Variants in DISC1 observed in about 807,000 individuals in gnomAD.
DISC1 encodes disrupted in schizophrenia 1 protein.
In DISC1, 57 loss-of-function variants were observed where a neutral mutation model predicts 84.5. The ratio of observed to expected loss-of-function variants is 0.67; its 90% CI spans 0.55 to 0.84. DISC1 has a LOEUF of 0.84. Ranked by LOEUF, DISC1 falls within the 40% of genes least tolerant of loss-of-function variation. The probability of loss-of-function intolerance (pLI) is 0.00; values close to 1 mark genes in which losing one functional copy is unlikely to be tolerated. For missense variants in DISC1, 1,000 were observed against 1,057.8 expected, an observed-to-expected ratio of 0.95 and a Z score of 0.76; for synonymous variants, 411 against 415.2, an observed-to-expected ratio of 0.99 and a Z score of 0.12.
chr1:231,857,706 A>G (rs2084365829), intron 9 of DISC1, among the ~76,000 whole-genome samples: 1 of 152,186 alleles, frequency 6.6e-6, no homozygotes, highest in Admixed American at 6.5e-5. Context: ...AGTCTGTTTG[A>G]CTTTCTTCCG....
chr1:231,903,093 A>G (rs1257891309), intron 9 of DISC1, among the ~76,000 whole-genome samples: 3 of 139,408 alleles, frequency 2.2e-5, no homozygotes, highest in Admixed American at 7.5e-5. Flanking sequence ...ACAGAGTCAT[A>G]CTCTCTTGCC....
rs181605848 is a variant in DISC1, at chr1:231,935,413, A to G, written c.1982-23415A>G. Among the ~76,000 whole-genome samples, 257 of 152,354 alleles carry G rather than the reference A, an allele frequency of 1.7e-3. 1 individual carries two copies. The highest frequency in any genetic ancestry group is 4.2e-3 in the Admixed American group (64 of 15,304). ...ATTGAGAGACTGAAATTTCCAAAGC[A>G]GGAAAGATTACACTGAAAGTTGGGA... On this transcript the variant is annotated intron_variant, in intron 9 of 12. Transcript: ENST00000439617.
intron 1 of DISC1, among the ~76,000 whole-genome samples, chr1:231,649,089 C>T (rs2125264346): frequency 6.6e-6 from 1 of 152,166 alleles, no homozygotes; most frequent in South Asian, 2.1e-4. Context: ...TATTTCTTGC[C>T]TTCTACTAGC....
At position 231,682,001 on chromosome 1, in the gene DISC1, A is replaced by G. The variant is rs2063747276; in HGVS notation, c.68-11825A>G. Among the ~76,000 whole-genome samples, 3 of 152,278 alleles carry G rather than the reference A, an allele frequency of 2.0e-5. No homozygotes were observed. The South Asian group carries it at 6.2e-4, about 32-fold the overall frequency. On this transcript the variant is annotated intron_variant, in intron 1 of 12. Transcript: ENST00000439617. ...AGGCATGAGCCACTGTGCCCAGCCC[A>G]TTTATTAATTTTTAATATTATGTGC...
chr1:231,795,243 C>A lies in DISC1; in HGVS notation c.1636C>A (p.Leu546Ile). 6.2e-7 allele frequency: 1 copy of A among 1,613,518 alleles called. No individual in the cohort carries two copies. The highest frequency in any genetic ancestry group is 1.3e-5 in the African/African-American group (1 of 75,026). Residue 546 changes from leucine to isoleucine, a missense_variant and splice_region_variant, in exon 7 of 13, where the codon CTC (leucine) becomes ATC (isoleucine). Around this residue, in one of 3 missense-constraint regions of DISC1, gnomAD observed 397 missense variants for 377.5 expected, o/e 1.05. Coordinates refer to ENST00000439617, the MANE Select transcript of DISC1 (RefSeq NM_018662.3). ...ATCTCCTCTTTTTAATTCTTCCAGC[C>A]TCCAGGAAAGAATAAAATCCCTCAA... ...HAEPPETIRS[L>I]QERIKSLNLS...
chr1:231,946,392 C>A (rs1657208560), intron 9 of DISC1, among the ~76,000 whole-genome samples: 1 of 152,114 alleles, frequency 6.6e-6, no homozygotes, highest in South Asian at 2.1e-4. Flanking sequence ...GCAGAAAAGG[C>A]CTTCGACAAA....
At chr1:231,765,379 G>A (rs200585329) in intron 4 of DISC1, among the ~76,000 whole-genome samples, 5 of 152,080 alleles carry the variant, frequency 3.3e-5, no homozygotes, top group Non-Finnish European at 7.4e-5. Context: ...ACGCTCAGCT[G>A]TATTCCATCT....
chr1:231,653,724 G>A (rs760141431), intron 1 of DISC1, among the ~76,000 whole-genome samples: 2 of 152,184 alleles, frequency 1.3e-5, no homozygotes, highest in Non-Finnish European at 2.9e-5. Context: ...GTCCCATCCA[G>A]CCCTGGCACC....
At chr1:231,942,047 T>TGG (rs2091374247) in intron 9 of DISC1, among the ~76,000 whole-genome samples, 1 of 151,654 alleles carries the variant, frequency 6.6e-6, no homozygotes, top group Non-Finnish European at 1.5e-5. Context: ...ACGTGTGATC[T>TGG]GGGGGCCGGG....
At chr1:231,910,396 A>G (rs1272179551) in intron 9 of DISC1, among the ~76,000 whole-genome samples, 1 of 152,168 alleles carries the variant, frequency 6.6e-6, no homozygotes, top group East Asian at 1.9e-4. Context: ...ATTGGTTTCA[A>G]AGAACATCTT....
rs2075143433 is a variant in DISC1 at position 231,756,519 on chromosome 1, GAGAGA to G, written c.1268+6444_1268+6448del. On this transcript the variant is annotated intron_variant, in intron 4 of 12. Transcript: ENST00000439617. ...TCACAAACGTATATGTGAATATCGA[GAGAGA>G]GAGAGAGAGAGAGAGAGAGAGAGAG... Among the ~76,000 whole-genome samples, 8 of 3,562 alleles carry G rather than the reference GAGAGA, an allele frequency of 2.2e-3. No homozygotes were observed. The East Asian group carries it at 0.071, about 32-fold the overall frequency. The allele number at this position is 3,562 out of a possible 152,430, so 2.3% of individuals were successfully genotyped here. A position where few individuals can be genotyped will look rare whatever the true frequency, so the allele number is the denominator to read the frequency against.
chr1:231,985,428 C>T (rs1267206998), intron 10 of DISC1, among the ~76,000 whole-genome samples: 1 of 151,886 alleles, frequency 6.6e-6, no homozygotes, highest in Non-Finnish European at 1.5e-5. Context: ...CATGTTTTCA[C>T]CATTACTGGC....
chr1:231,958,824 C>T lies in DISC1; in HGVS notation c.1982-4C>T, dbSNP rs750915635. ...TAACTTTGGATTTCCTTTTTTTCCC[C>T]CAGAAACAAGTGTGAAGGAAAATAC... On this transcript the variant is annotated splice_polypyrimidine_tract_variant and splice_region_variant and intron_variant, in intron 9 of 12. Transcript: ENST00000439617. 2 of 1,612,752 alleles carry T rather than the reference C, an allele frequency of 1.2e-6. No homozygotes were observed. Among genetic ancestry groups the T allele is most frequent in the East Asian group, 2.2e-5 (1 of 44,862 alleles).
chr1:231,980,968 A>G (rs1264310248), intron 10 of DISC1, among the ~76,000 whole-genome samples: 1 of 152,192 alleles, frequency 6.6e-6, no homozygotes, highest in Non-Finnish European at 1.5e-5. Flanking sequence ...AATTTTTGAG[A>G]TAGGGTCTTG....
intron 9 of DISC1, among the ~76,000 whole-genome samples, chr1:231,900,454 T>G (rs969752056): frequency 2.0e-5 from 3 of 152,220 alleles, no homozygotes; most frequent in Non-Finnish European, 4.4e-5. Context: ...AGAAAAACCT[T>G]TCGTTTTTGT....
At position 232,039,051 on chromosome 1, in the gene DISC1, C is replaced by T. The variant is rs1444562936; in HGVS notation, c.*2220C>T. On this transcript the variant is annotated 3_prime_UTR_variant, in exon 13 of 13. Transcript: ENST00000439617. ...CTATGGCTTTATCTCGAGCAAAATACACTCTACATATTTTAATAATAAGTA... is the reference window on the plus strand; with the variant it reads ...CTATGGCTTTATCTCGAGCAAAATATACTCTACATATTTTAATAATAAGTA... 2 of 152,202 alleles carry T rather than the reference C, an allele frequency of 1.3e-5. No homozygotes were observed. Among genetic ancestry groups the T allele is most frequent in the Admixed American group, 6.5e-5 (1 of 15,276 alleles). The allele number at this position is 152,202 out of a possible 1,614,324, so 9.4% of individuals were successfully genotyped here.
At chr1:231,750,728 C>A in intron 4 of DISC1, 2 of 270,032 alleles carry the variant, frequency 7.4e-6, no homozygotes, top group Non-Finnish European at 1.1e-5. Context: ...CTTAAAAAGG[C>A]TGAGAACCAC....
chr1:231,928,458 A>G (rs2090472056), intron 9 of DISC1, among the ~76,000 whole-genome samples: 1 of 152,190 alleles, frequency 6.6e-6, no homozygotes, highest in Non-Finnish European at 1.5e-5. Context: ...CTTCTTTATT[A>G]GTCTAGCTAG....
At position 231,708,104 on chromosome 1, in the gene DISC1, T is replaced by A. The variant is rs192998232; in HGVS notation, c.1117+6080T>A. Among the ~76,000 whole-genome samples, 179 of 152,350 alleles carry A rather than the reference T, an allele frequency of 1.2e-3. No homozygotes were observed. The Middle Eastern group carries it at 0.017, about 14-fold the overall frequency. ...CTGACAAGGGGTGGACTTGTGGACT[T>A]AATTTTAAGTGTCAACTTGATTGGA... On this transcript the variant is annotated intron_variant, in intron 3 of 12. Coordinates refer to ENST00000439617, the MANE Select transcript of DISC1 (RefSeq NM_018662.3).
Sources: allele counts gnomAD v4.1 joint callset (sites outside exome capture counted in the v4.1 genomes callset), GRCh38; gene constraint gnomAD v4.1.1; regional missense constraint gnomAD v4.1.1; transcripts MANE v1.5; gene names NCBI Gene and HGNC (gene_info 2026-07-23, HGNC 2026-07-21).